Variants in RASEF observed in about 807,000 individuals in gnomAD.
RASEF encodes ras and EF-hand domain-containing protein.
RASEF carries 68 observed loss-of-function variants against 90.1 expected under a neutral mutation model. That is an observed-to-expected ratio of 0.75 (90% CI 0.62 to 0.92). The LOEUF (loss-of-function observed/expected upper bound fraction) is 0.92, where lower values mean the gene tolerates loss of function less well. Among genes scored for constraint, RASEF ranks in the 40% least tolerant of loss-of-function variants. The pLI, the probability that RASEF is intolerant of heterozygous loss-of-function variation, is 0.00. For synonymous variants in RASEF, 331 were observed against 345.2 expected (o/e 0.96, Z 0.46); for missense variants, 949 against 937.2 (o/e 1.01, Z -0.16).
chr9:83,207,444 T>A, the RASEF span, among the ~76,000 whole-genome samples: 1 of 152,112 alleles, frequency 6.6e-6, no homozygotes, highest in Admixed American at 6.6e-5. Flanking sequence ...CTGCAGTGGG[T>A]TCATCGAAGT....
the RASEF span, among the ~76,000 whole-genome samples, chr9:83,106,743 C>A: frequency 2.7e-5 from 4 of 149,142 alleles, no homozygotes; most frequent in Non-Finnish European, 5.9e-5. Flanking sequence ...ACTTATAAAC[C>A]ATTTTATTAA....
the RASEF span, among the ~76,000 whole-genome samples, chr9:83,159,230 C>T: frequency 6.6e-6 from 1 of 151,288 alleles, no homozygotes; most frequent in East Asian, 1.9e-4. Flanking sequence ...GCAGAATATA[C>T]TTGCTCTATT....
At chr9:83,103,163 G>A in the RASEF span, among the ~76,000 whole-genome samples, 2 of 152,166 alleles carry the variant, frequency 1.3e-5, no homozygotes, top group Non-Finnish European at 1.5e-5. Context: ...ACTGCAGAGT[G>A]TAAAGCTGAG....
intron 7 of RASEF, among the ~76,000 whole-genome samples, chr9:83,006,550 A>T (rs1367322739): frequency 6.6e-6 from 1 of 151,692 alleles, no homozygotes; most frequent in African/African-American, 2.4e-5. Flanking sequence ...CATTGAGGGG[A>T]ACTGAAACCA....
intron 1 of RASEF, chr9:83,048,702 A>T (rs1829978213): frequency 1.0e-6 from 1 of 985,406 alleles, no homozygotes; most frequent in Non-Finnish European, 1.2e-6. Context: ...TTATGCCCTC[A>T]ATTTAAATGA....
At chr9:83,160,558 G>C in the RASEF span, among the ~76,000 whole-genome samples, 1 of 152,170 alleles carries the variant, frequency 6.6e-6, no homozygotes, top group Non-Finnish European at 1.5e-5. Flanking sequence ...GAGGCAGAAC[G>C]TAAAAGTTTG....
the RASEF span, among the ~76,000 whole-genome samples, chr9:83,142,266 G>A: frequency 1.3e-5 from 2 of 152,122 alleles, no homozygotes; most frequent in Non-Finnish European, 2.9e-5. Flanking sequence ...GCTCATCAAA[G>A]GAAGAAATTT....
the RASEF span, among the ~76,000 whole-genome samples, chr9:83,089,895 TAGATAGATA>T: frequency 1.1e-4 from 2 of 18,436 alleles, no homozygotes; most frequent in African/African-American, 3.9e-4. Flanking sequence ...AGATAGATGA[TAGATAGATA>T]GATAGATAGA....
chr9:83,193,372 T>G, the RASEF span, among the ~76,000 whole-genome samples: 1 of 152,174 alleles, frequency 6.6e-6, no homozygotes, highest in South Asian at 2.1e-4. Context: ...AGAAGAAAAT[T>G]TAAGTACTGT....
intron 3 of RASEF, among the ~76,000 whole-genome samples, chr9:83,021,267 T>C (rs1393387734): frequency 2.0e-5 from 3 of 152,016 alleles, no homozygotes; most frequent in Non-Finnish European, 4.4e-5. Context: ...GGCTCAGAGG[T>C]TGGGTTATTT....
chr9:83,096,033 A>G, the RASEF span, among the ~76,000 whole-genome samples: 1 of 152,142 alleles, frequency 6.6e-6, no homozygotes, highest in Non-Finnish European at 1.5e-5. Flanking sequence ...GTAAGTAAAA[A>G]GGACTTAATA....
chr9:83,183,045 G>C, the RASEF span, among the ~76,000 whole-genome samples: 5 of 152,102 alleles, frequency 3.3e-5, no homozygotes, highest in Non-Finnish European at 4.4e-5. Flanking sequence ...GGTAAACAAG[G>C]AAACTTGGGA....
the RASEF span, among the ~76,000 whole-genome samples, chr9:83,158,235 A>T: frequency 2.6e-5 from 4 of 152,162 alleles, no homozygotes; most frequent in Admixed American, 1.3e-4. Context: ...GAATTAAAGT[A>T]AAGCTTTTAG....
chr9:83,116,173 A>G, the RASEF span, among the ~76,000 whole-genome samples: 3 of 152,196 alleles, frequency 2.0e-5, no homozygotes, highest in Non-Finnish European at 4.4e-5. Context: ...AAGATTCAAG[A>G]TAATTTGGAG....
At chr9:83,151,050 T>C in the RASEF span, among the ~76,000 whole-genome samples, 620 of 152,220 alleles carry the variant, frequency 4.1e-3, 7 homozygotes, top group African/African-American at 0.014. Context: ...GGTATATTAT[T>C]AATACTCAAT....
intron 1 of RASEF, among the ~76,000 whole-genome samples, chr9:83,046,490 T>A (rs1587520838): frequency 1.3e-5 from 2 of 152,096 alleles, no homozygotes; most frequent in Admixed American, 1.3e-4. Context: ...TTCATTAGCA[T>A]CCCCAAGCAA....
chr9:83,000,830 G>A (rs771154345), intron 10 of RASEF, 66 bp downstream of exon 10: 7 of 1,334,454 alleles, frequency 5.2e-6, no homozygotes, highest in Admixed American at 1.8e-5. Flanking sequence ...ACAGATAGAA[G>A]GCAAATAAGG....
intron 1 of RASEF, among the ~76,000 whole-genome samples, chr9:83,026,270 C>A (rs1829546837): frequency 1.3e-5 from 2 of 152,148 alleles, no homozygotes; most frequent in Admixed American, 6.5e-5. Flanking sequence ...GTTTCATCCA[C>A]CCCTGATAAG....
the RASEF span, among the ~76,000 whole-genome samples, chr9:83,082,045 C>T: frequency 1.3e-5 from 2 of 152,124 alleles, no homozygotes; most frequent in South Asian, 2.1e-4. Flanking sequence ...CCTAGACACC[C>T]AGCGTCAGTA....
Sources: gnomAD v4.1 joint callset for allele counts (sites outside exome capture counted in the v4.1 genomes callset) on GRCh38, gnomAD v4.1.1 for gene constraint, MANE v1.5 for transcripts, NCBI Gene and HGNC (gene_info 2026-07-23, HGNC 2026-07-21) for gene names.